The following LONP1 variants were observed in gnomAD, a reference collection of about 807,000 sequenced individuals.
The protein encoded by LONP1 is lon peptidase 1, mitochondrial.
In LONP1, 31 loss-of-function variants were observed where a neutral mutation model predicts 98.5. The observed-to-expected ratio is 0.31, with a 90% CI of 0.24 to 0.42. The LOEUF (loss-of-function observed/expected upper bound fraction) is 0.42. Among genes scored for constraint, LONP1 ranks in the 20% least tolerant of loss-of-function variants. The probability of loss-of-function intolerance (pLI) is 1.00; values close to 1 mark genes in which losing one functional copy is unlikely to be tolerated. For missense variants in LONP1, 1,336 were observed against 1,350.6 expected (o/e 0.99, Z 0.17); for synonymous variants, 781 against 594.7 (o/e 1.31, Z -4.56).
Position 5,693,549 on chromosome 19 carries a change from C to T in LONP1, c.2538+3G>A, listed in dbSNP as rs768141155. The T allele has an allele frequency of 6.2e-7, 1 of 1,613,978 alleles. No homozygotes were observed. ...AGCAGGTGGGAGCGGATGGCGCGGT[C>T]ACCTCGGGCACATGCAGGTGGATGT... On this transcript the variant is annotated splice_donor_region_variant and intron_variant, in intron 16 of 17. Transcript: ENST00000360614.
intron 4 of LONP1, chr19:5,709,072 G>A: frequency 6.6e-6 from 1 of 151,754 alleles, no homozygotes; most frequent in Non-Finnish European, 1.5e-5. Flanking sequence ...TGGCGTGCAG[G>A]GCTGCAATCA....
chr19:5,711,368 G>C (rs1299591803), intron 4 of LONP1, among the ~76,000 whole-genome samples: 1 of 152,234 alleles, frequency 6.6e-6, no homozygotes, highest in Non-Finnish European at 1.5e-5. Context: ...CCTAGGTTGG[G>C]GGATCAGGGT....
intron 15 of LONP1, among the ~76,000 whole-genome samples, chr19:5,694,178 C>G (rs941438200): frequency 6.6e-6 from 1 of 152,192 alleles, no homozygotes; most frequent in East Asian, 1.9e-4. Flanking sequence ...GCACCCAAAT[C>G]CATAAGGCCC....
At chr19:5,705,635 C>T in intron 8 of LONP1, 137 bp downstream of exon 8, 7 of 660,750 alleles carry the variant, frequency 1.1e-5, no homozygotes, top group South Asian at 9.0e-5. Context: ...GGCTGATACT[C>T]GCTGGATGCC....
At chr19:5,704,430 TG>T in intron 8 of LONP1, among the ~76,000 whole-genome samples, 1 of 152,146 alleles carries the variant, frequency 6.6e-6, no homozygotes, top group East Asian at 1.9e-4. Context: ...CTCAGGGCCC[TG>T]GGGGAGAGAC....
Position 5,714,224 on chromosome 19 carries a change from G to T in LONP1, c.477C>A (p.Leu159=). Residue 159 remains leucine, a synonymous_variant, in exon 2 of 18, where the codon CTC becomes CTA. Transcript: ENST00000360614. ...GAAAGACGCCGACATAAGGCTGGGC[G>T]AGACGAACTTTCCTTCTCAGCAGCT... is the stretch of plus-strand genomic sequence containing the variant. ...LVELLRRKVR[L]AQPYVGVFLK... 1.9e-6 allele frequency: 3 copies of T among 1,614,006 alleles called. No individual in the cohort carries two copies. The highest frequency in any genetic ancestry group is 2.5e-6 in the Non-Finnish European group (3 of 1,179,960).
At chr19:5,707,023 G>GC (rs2055156296) in intron 7 of LONP1, 37 bp downstream of exon 7, 4 of 1,559,012 alleles carry the variant, frequency 2.6e-6, no homozygotes. Flanking sequence ...CGAGGGGAAG[G>GC]CCCCCAAGAG....
intron 8 of LONP1, among the ~76,000 whole-genome samples, chr19:5,701,935 C>A (rs1273171137): frequency 6.6e-6 from 1 of 151,560 alleles, no homozygotes; most frequent in East Asian, 1.9e-4. Context: ...CGCCTCTGCC[C>A]GGCCGCGACC....
At chr19:5,696,031 C>T (rs2145583208) in intron 13 of LONP1, 23 bp downstream of exon 13, 2 of 1,599,508 alleles carry the variant, frequency 1.3e-6, no homozygotes, top group Non-Finnish European at 8.5e-7. Flanking sequence ...AAGGGGACAG[C>T]AGTGGGGAGG....
At chr19:5,712,137 G>A in intron 3 of LONP1, 135 bp from the exon 4 acceptor site, 1 of 685,448 alleles carries the variant, frequency 1.5e-6, no homozygotes, top group Non-Finnish European at 2.4e-6. Context: ...GTGGCTACAG[G>A]GTCCTCAAGC....
intron 1 of LONP1, among the ~76,000 whole-genome samples, chr19:5,716,270 A>G (rs2055319820): frequency 2.3e-5 from 1 of 44,144 alleles, no homozygotes. Flanking sequence ...ATATATATAT[A>G]TATATATATA....
At chr19:5,707,334 C>A (rs989104763) in intron 6 of LONP1, among the ~76,000 whole-genome samples, 191 bp from the exon 7 acceptor site, 1 of 152,212 alleles carries the variant, frequency 6.6e-6, no homozygotes, top group Non-Finnish European at 1.5e-5. Context: ...ACGGATACTT[C>A]ACAGGCCCTC....
At position 5,702,502 on chromosome 19, in the gene LONP1, G is replaced by A. The variant is rs576265262; in HGVS notation, c.1368-1575C>T. ...AGGAGTGGGGGTCAGCCCCCCGCCCGGCCAGCCGCCCCATCTGGGAGGTGT... is the reference window on the plus strand; with the variant it reads ...AGGAGTGGGGGTCAGCCCCCCGCCCAGCCAGCCGCCCCATCTGGGAGGTGT... On this transcript the variant is annotated intron_variant, in intron 8 of 17. Coordinates refer to ENST00000360614, the MANE Select transcript of LONP1 (RefSeq NM_004793.4). 5.4e-4 allele frequency among the ~76,000 whole-genome samples: 82 copies of A among 152,136 alleles called. 2 individuals are homozygous for A. In the South Asian group the frequency reaches 0.015, roughly 27 times the overall value.
intron 8 of LONP1, among the ~76,000 whole-genome samples, chr19:5,703,985 T>TC (rs924962304): frequency 2.6e-5 from 4 of 151,892 alleles, no homozygotes; most frequent in East Asian, 3.9e-4. Flanking sequence ...ATCTACGTTC[T>TC]CCCCCCACAG....
At chr19:5,709,907 CAAAAAAAAAAAAAA>C (rs755774542) in intron 4 of LONP1, among the ~76,000 whole-genome samples, 4 of 38,668 alleles carry the variant, frequency 1.0e-4, no homozygotes, top group South Asian at 2.8e-3. Context: ...GGCTCCATCT[CAAAAAAAAAAAAAA>C]AAAAAAAAAA....
intron 17 of LONP1, among the ~76,000 whole-genome samples, chr19:5,692,464 C>T (rs903312766): frequency 3.9e-5 from 6 of 152,116 alleles, no homozygotes; most frequent in South Asian, 2.1e-4. Flanking sequence ...GAAGTCTGGC[C>T]GTGCGGTGGG....
At chr19:5,705,124 T>G (rs556367324) in intron 8 of LONP1, among the ~76,000 whole-genome samples, 2 of 151,096 alleles carry the variant, frequency 1.3e-5, no homozygotes, top group South Asian at 2.1e-4. Flanking sequence ...ATTGCACCAC[T>G]GTACTCCAGC....
At position 5,696,685 on chromosome 19, in the gene LONP1, CA is replaced by C; in HGVS notation, c.1757del (p.Leu586ArgfsTer70). 2 of 1,613,580 alleles carry C rather than the reference CA, an allele frequency of 1.2e-6. No homozygotes were observed. The highest frequency in any genetic ancestry group is 1.7e-6 in the Non-Finnish European group (2 of 1,179,890). On this transcript the variant is annotated frameshift_variant, in exon 11 of 18. Coordinates refer to ENST00000360614, the MANE Select transcript of LONP1 (RefSeq NM_004793.4). LOFTEE classifies it high-confidence loss of function. ...CCGCACGCACCTCGTCGATGAGGAT[CA>C]GGGGGTTCTCCGTCTTGGTCTTCTT... ...CLKKTKTENP[L>X]ILIDEVDKIG... is the part of the protein sequence containing the mutation.
At chr19:5,693,063 C>T (rs2054858375) in intron 17 of LONP1, among the ~76,000 whole-genome samples, 2 of 152,216 alleles carry the variant, frequency 1.3e-5, no homozygotes, top group Non-Finnish European at 1.5e-5. Flanking sequence ...GGAGCCACCC[C>T]CCCAATCCTA....
Sources: gnomAD v4.1 joint callset for allele counts (sites outside exome capture counted in the v4.1 genomes callset) on GRCh38, gnomAD v4.1.1 for gene constraint, MANE v1.5 for transcripts, NCBI Gene and HGNC (gene_info 2026-07-23, HGNC 2026-07-21) for gene names.